Variants in CDH18 observed in about 807,000 individuals in gnomAD.
CDH18 encodes cadherin 18.
In CDH18, 31 loss-of-function variants were observed where a neutral mutation model predicts 67.9. The ratio of observed to expected loss-of-function variants is 0.46; its 90% CI spans 0.34 to 0.62. CDH18 has a LOEUF of 0.62. CDH18 is among the 20% of genes least tolerant of loss of function. The pLI is 0.01. For synonymous variants in CDH18, 362 were observed against 347.2 expected (o/e 1.04, Z -0.48); for missense variants, 890 against 975.5 (o/e 0.91, Z 1.17).
chr5:20,464,824 T>G lies in CDH18; in HGVS notation c.-580+110638A>C, dbSNP rs77574482. Among the ~76,000 whole-genome samples the G allele has an allele frequency of 2.3e-3, 351 of 152,142 alleles. 1 individual carries two copies. The highest frequency in any genetic ancestry group is 7.7e-3 in the African/African-American group (321 of 41,516). On this transcript the variant is annotated intron_variant, in intron 1 of 14. Transcript: ENST00000507958. ...ATGCTATAAATAAAACCCTGGGAAATAGCTGTGTTACTATGCATTAGGAAC... is the reference window on the plus strand; with the variant it reads ...ATGCTATAAATAAAACCCTGGGAAAGAGCTGTGTTACTATGCATTAGGAAC...
At chr5:19,517,909 T>C (rs984650530) in intron 10 of CDH18, among the ~76,000 whole-genome samples, 1 of 152,026 alleles carries the variant, frequency 6.6e-6, no homozygotes, top group African/African-American at 2.4e-5. Flanking sequence ...CTTATTTTTC[T>C]TGCACTATGT....
At chr5:19,992,304 CAT>C (rs1561692856), upstream of CDH18, among the ~76,000 whole-genome samples, 1 of 151,938 alleles carries the variant, frequency 6.6e-6, no homozygotes, top group African/African-American at 2.4e-5. Flanking sequence ...CTATTACACA[CAT>C]ATTTTATTTC....
chr5:19,604,405 T>C (rs1012684821), intron 6 of CDH18, among the ~76,000 whole-genome samples: 3 of 152,058 alleles, frequency 2.0e-5, no homozygotes, highest in African/African-American at 4.8e-5. Flanking sequence ...GGTTAGAAAC[T>C]ATGATGTCTG....
At chr5:19,888,418 C>T (rs1034124025) in intron 2 of CDH18, among the ~76,000 whole-genome samples, 1 of 151,774 alleles carries the variant, frequency 6.6e-6, no homozygotes, top group African/African-American at 2.4e-5. Flanking sequence ...GTGTGTAAGT[C>T]TTAGATATCT....
rs77812942 is a variant in CDH18 at position 20,000,641 on chromosome 5, C to A, written c.-517-8627G>T. 0.018 allele frequency among the ~76,000 whole-genome samples: 2,724 copies of A among 151,908 alleles called. 174 individuals carry two copies. In the East Asian group the frequency reaches 0.25, roughly 14 times the overall value. ...TGGGAAAATAGCTTTGACTGGGAGA[C>A]AGAATTTTATGAGTCAGCCACAGAT... On this transcript the variant is annotated intron_variant, in intron 2 of 14. Transcript: ENST00000507958.
intron 1 of CDH18, among the ~76,000 whole-genome samples, chr5:20,485,920 T>C (rs1054273772): frequency 2.6e-5 from 4 of 152,142 alleles, no homozygotes; most frequent in Admixed American, 2.0e-4. Context: ...TAAACAAATA[T>C]AGAAGAGTAT....
chr5:20,077,566 T>C (rs529443898), intron 2 of CDH18, among the ~76,000 whole-genome samples: 2 of 152,234 alleles, frequency 1.3e-5, no homozygotes, highest in African/African-American at 4.8e-5. Flanking sequence ...TTGAAAACAA[T>C]GGAATGATAA....
chr5:19,760,878 T>C lies in CDH18; in HGVS notation c.229-13642A>G, dbSNP rs1772243668. Among the ~76,000 whole-genome samples, 5 of 152,054 alleles carry C rather than the reference T, an allele frequency of 3.3e-5. No individual in the cohort carries two copies. In the South Asian group the frequency reaches 1.0e-3, roughly 32 times the overall value. ...TGCCGTTGCCTCAGGCAGCACAGAG[T>C]TTATGTTCTCAGCCAAAGGTAGAAA... On this transcript the variant is annotated intron_variant, in intron 3 of 12. Coordinates refer to ENST00000382275, the MANE Select transcript of CDH18 (RefSeq NM_004934.5).
intron 5 of CDH18, among the ~76,000 whole-genome samples, chr5:19,704,281 T>G (rs2150494968): frequency 6.6e-6 from 1 of 152,310 alleles, no homozygotes; most frequent in Non-Finnish European, 1.5e-5. Context: ...CAGTTTAACC[T>G]GCTCATTTTA....
At chr5:19,947,421 T>C (rs886115497) in intron 2 of CDH18, among the ~76,000 whole-genome samples, 2 of 151,388 alleles carry the variant, frequency 1.3e-5, no homozygotes, top group African/African-American at 2.4e-5. Flanking sequence ...TGATCCATAA[T>C]AGAAAAAAAG....
chr5:20,162,143 T>G (rs1735935035), intron 2 of CDH18, among the ~76,000 whole-genome samples: 1 of 152,008 alleles, frequency 6.6e-6, no homozygotes, highest in African/African-American at 2.4e-5. Context: ...AAAACAAAGC[T>G]CAATTTCTTT....
intron 9 of CDH18, 92 bp downstream of exon 9, chr5:19,543,777 A>G: frequency 1.2e-6 from 1 of 856,742 alleles, no homozygotes; most frequent in Non-Finnish European, 1.7e-6. Context: ...GATATCAAAA[A>G]TAAAGATTAT....
At chr5:19,854,959 G>C (rs1190400899) in intron 2 of CDH18, among the ~76,000 whole-genome samples, 12 of 130,210 alleles carry the variant, frequency 9.2e-5, no homozygotes, top group African/African-American at 3.4e-4. Context: ...TTTTTTTCTA[G>C]TTCCCTAAAT....
At chr5:20,380,973 C>T (rs1054745825) in intron 1 of CDH18, among the ~76,000 whole-genome samples, 1 of 152,010 alleles carries the variant, frequency 6.6e-6, no homozygotes, top group South Asian at 2.1e-4. Flanking sequence ...TATTTGGAGA[C>T]AGGACCTTTA....
At chr5:20,035,607 A>G (rs187948160) in intron 2 of CDH18, among the ~76,000 whole-genome samples, 2 of 152,042 alleles carry the variant, frequency 1.3e-5, no homozygotes, top group East Asian at 3.9e-4. Flanking sequence ...CTCCCTCACT[A>G]TCATGAGAAC....
chr5:19,940,523 T>C (rs533500069), intron 2 of CDH18, among the ~76,000 whole-genome samples: 1 of 152,232 alleles, frequency 6.6e-6, no homozygotes, highest in East Asian at 1.9e-4. Flanking sequence ...CTTATGTAGC[T>C]CTGTATAAAT....
At chr5:20,032,448 G>A (rs1213375406) in intron 2 of CDH18, among the ~76,000 whole-genome samples, 1 of 151,968 alleles carries the variant, frequency 6.6e-6, no homozygotes, top group Non-Finnish European at 1.5e-5. Flanking sequence ...TCCCAGCTGA[G>A]TAGAAATAGT....
In CDH18 at chr5:19,483,440, G is replaced by A. The variant is rs766990274; in HGVS notation, c.1743C>T (p.Ser581=). 1.9e-6 allele frequency: 3 copies of A among 1,614,012 alleles called. No homozygotes were observed. The highest frequency in any genetic ancestry group is 1.7e-5 in the Admixed American group (1 of 60,004). The change falls in exon 12 of 13, where the codon AGC becomes AGT. Residue 581 remains serine (S), a synonymous_variant. Transcript: ENST00000382275. ...SDGGIPSLSS[S]STLTIRVCAC... Reference sequence around the variant, plus strand: ...CACAAACCCTGATGGTGAGGGTGCTGCTGCTGCTGAGAGAGGGGATTCCAC... The same window carrying A: ...CACAAACCCTGATGGTGAGGGTGCTACTGCTGCTGAGAGAGGGGATTCCAC...
At chr5:19,959,912 T>C (rs375547263) in intron 2 of CDH18, among the ~76,000 whole-genome samples, 2 of 152,056 alleles carry the variant, frequency 1.3e-5, no homozygotes, top group East Asian at 3.9e-4. Context: ...CAACGGTAAA[T>C]ATTTATGTAT....
Sources: gnomAD v4.1 joint callset for allele counts (sites outside exome capture counted in the v4.1 genomes callset) on GRCh38, gnomAD v4.1.1 for gene constraint, MANE v1.5 for transcripts, NCBI Gene and HGNC (gene_info 2026-07-23, HGNC 2026-07-21) for gene names.